The following ARHGAP8 variants were observed in gnomAD, a reference collection of about 807,000 sequenced individuals.
ARHGAP8 encodes the protein rho GTPase-activating protein 8.
Under a neutral mutation model 46.1 loss-of-function variants are expected in ARHGAP8, and 62 were observed. That is an observed-to-expected ratio of 1.34 (90% CI 1.10 to 1.66). ARHGAP8 has a LOEUF of 1.66. Ranked by LOEUF, ARHGAP8 falls within the 40% of genes most tolerant of loss-of-function variation. The probability of loss-of-function intolerance (pLI) is 0.00; values close to 1 mark genes in which losing one functional copy is unlikely to be tolerated. For synonymous variants in ARHGAP8, 375 were observed against 243.1 expected, an observed-to-expected ratio of 1.54 and a Z score of -5.05; for missense variants, 923 against 568.4, an observed-to-expected ratio of 1.62 and a Z score of -6.34.
intron 6 of ARHGAP8, 25 bp downstream of exon 6, chr22:44,822,494 G>A: frequency 6.6e-7 from 1 of 1,515,536 alleles, no homozygotes; most frequent in South Asian, 1.3e-5. Flanking sequence ...GACCCCAGAA[G>A]CCGCATCAAT....
At chr22:44,762,491 T>C (rs1019015806) in intron 1 of ARHGAP8, among the ~76,000 whole-genome samples, 1 of 150,872 alleles carries the variant, frequency 6.6e-6, no homozygotes, top group African/African-American at 2.4e-5. Flanking sequence ...GCAGAGCTCC[T>C]AAAACCCTTG....
chr22:44,820,880 G>T (rs1406281642), intron 5 of ARHGAP8, among the ~76,000 whole-genome samples: 2 of 152,188 alleles, frequency 1.3e-5, no homozygotes, highest in African/African-American at 4.8e-5. Flanking sequence ...GGACTGAGCT[G>T]TGGGCTGAGC....
Position 44,794,000 on chromosome 22 carries a change from C to T in ARHGAP8, c.79+7394C>T, listed in dbSNP as rs35007684. On this transcript the variant is annotated intron_variant, in intron 2 of 11. Coordinates refer to ENST00000356099, the MANE Select transcript of ARHGAP8 (RefSeq NM_181335.3). ...GGGAGACCGAGGGAGCGAGGGAGGCCGGCCTCAGTGCGGGGCATGCGCAGG... is the reference window on the plus strand; with the variant it reads ...GGGAGACCGAGGGAGCGAGGGAGGCTGGCCTCAGTGCGGGGCATGCGCAGG... 7.9e-5 allele frequency among the ~76,000 whole-genome samples: 12 copies of T among 152,276 alleles called. No individual in the cohort carries two copies. The East Asian group carries it at 1.7e-3, about 22-fold the overall frequency.
chr22:44,846,359 G>A (rs1569177150), intron 8 of ARHGAP8, among the ~76,000 whole-genome samples: 2 of 152,220 alleles, frequency 1.3e-5, no homozygotes. Flanking sequence ...GGCGGGGCCT[G>A]GAGAGCCCCT....
At chr22:44,860,196 T>G (rs578180614) in intron 11 of ARHGAP8, among the ~76,000 whole-genome samples, 16 of 144,816 alleles carry the variant, frequency 1.1e-4, no homozygotes, top group South Asian at 4.8e-4. Context: ...CCCAGTGGAC[T>G]GAGCTGACCA....
chr22:44,795,532 G>A (rs1928019177), intron 2 of ARHGAP8, among the ~76,000 whole-genome samples: 1 of 151,926 alleles, frequency 6.6e-6, no homozygotes, highest in Non-Finnish European at 1.5e-5. Flanking sequence ...CACTACCCCA[G>A]ACAGCACAAA....
At chr22:44,859,922 T>G (rs9614955) in intron 11 of ARHGAP8, 88 bp downstream of exon 11, 118,844 of 1,469,116 alleles carry the variant, frequency 0.081, 5,492 homozygotes, top group Non-Finnish European at 0.095. Flanking sequence ...CTCCTTGCCC[T>G]GGGTCTGGGG....
chr22:44,818,450 C>CAAAAAAAAAAA (rs749292883), intron 5 of ARHGAP8, among the ~76,000 whole-genome samples: 88 of 125,316 alleles, frequency 7.0e-4, no homozygotes, highest in East Asian at 4.3e-3. Flanking sequence ...ACTCCAGTCT[C>CAAAAAAAAAAA]AAAAAAAAAA....
At chr22:44,854,110 C>T (rs979493500) in intron 10 of ARHGAP8, among the ~76,000 whole-genome samples, 1 of 142,958 alleles carries the variant, frequency 7.0e-6, no homozygotes, top group Non-Finnish European at 1.5e-5. Context: ...GAATTCCTCT[C>T]TTCTCAAGGT....
chr22:44,796,606 C>T (rs1438705746), intron 2 of ARHGAP8, among the ~76,000 whole-genome samples: 1 of 151,992 alleles, frequency 6.6e-6, no homozygotes, highest in African/African-American at 2.4e-5. Context: ...CCAGAGGTTC[C>T]GTTGGCCCCT....
intron 1 of ARHGAP8, among the ~76,000 whole-genome samples, chr22:44,768,325 C>T (rs1021988720): frequency 1.3e-5 from 2 of 150,710 alleles, no homozygotes; most frequent in Non-Finnish European, 3.0e-5. Flanking sequence ...TTTGAGACAG[C>T]GTCTCACTCT....
chr22:44,757,393 T>C (rs1195598601), intron 1 of ARHGAP8, among the ~76,000 whole-genome samples: 2 of 152,080 alleles, frequency 1.3e-5, no homozygotes, highest in African/African-American at 4.8e-5. Flanking sequence ...TTCTCCTGCC[T>C]CAGCCTCCCA....
At chr22:44,860,553 C>G (rs942364737) in intron 11 of ARHGAP8, among the ~76,000 whole-genome samples, 1 of 150,676 alleles carries the variant, frequency 6.6e-6, no homozygotes, top group Non-Finnish European at 1.5e-5. Context: ...AGATCCTCAA[C>G]GACAGCTGCA....
intron 4 of ARHGAP8, among the ~76,000 whole-genome samples, chr22:44,812,741 T>C (rs1016061266): frequency 2.0e-5 from 3 of 152,158 alleles, no homozygotes; most frequent in African/African-American, 7.2e-5. Context: ...GTCAAAATAC[T>C]TTTCACTTTC....
rs58041776 is a variant in ARHGAP8, at chr22:44,772,352, CTTTTTTTT to C, written c.-71-14096_-71-14089del. Among the ~76,000 whole-genome samples the C allele has an allele frequency of 4.3e-5, 4 of 92,426 alleles. No homozygotes were observed. In the South Asian group the frequency reaches 1.5e-3, roughly 34 times the overall value. 60.6% of individuals were successfully genotyped at this position (92,426 alleles called of 152,430 possible). A position where few individuals can be genotyped will look rare whatever the true frequency, so the allele number is the denominator to read the frequency against. On this transcript the variant is annotated intron_variant, in intron 1 of 11. Transcript: ENST00000356099. ...ACTTTTTTTTTGTATTTTCTTTTTT[CTTTTTTTT>C]TTTTTTTTAAGTAGAGACAGGGTTT...
At chr22:44,805,746 T>C (rs1928876724) in intron 3 of ARHGAP8, among the ~76,000 whole-genome samples, 1 of 152,208 alleles carries the variant, frequency 6.6e-6, no homozygotes, top group South Asian at 2.1e-4. Flanking sequence ...AGAAGAGCCA[T>C]CAGGCTTACT....
intron 10 of ARHGAP8, among the ~76,000 whole-genome samples, chr22:44,856,957 T>G (rs2070243043): frequency 1.4e-5 from 2 of 143,036 alleles, no homozygotes; most frequent in Non-Finnish European, 3.0e-5. Flanking sequence ...TTTTTTTTTT[T>G]GAGACGGAGT....
intron 2 of ARHGAP8, among the ~76,000 whole-genome samples, chr22:44,798,075 CAA>C (rs1928226360): frequency 6.6e-6 from 1 of 150,990 alleles, no homozygotes; most frequent in Non-Finnish European, 1.5e-5. Flanking sequence ...CTCCCGAGTT[CAA>C]GAGATTCTCC....
At chr22:44,838,140 A>ATTTTTTTTTTTTTTTTTTTTT (rs61131873) in intron 7 of ARHGAP8, among the ~76,000 whole-genome samples, 1 of 143,500 alleles carries the variant, frequency 7.0e-6, no homozygotes, top group African/African-American at 2.6e-5. Flanking sequence ...TGCCTGGCTA[A>ATTTTTTTTTTTTTTTTTTTTT]TTTTTTTTTT....
Sources: allele counts gnomAD v4.1 joint callset (sites outside exome capture counted in the v4.1 genomes callset), GRCh38; gene constraint gnomAD v4.1.1; transcripts MANE v1.5; gene names NCBI Gene and HGNC (gene_info 2026-07-23, HGNC 2026-07-21).